Variants in SORCS2 observed in about 807,000 individuals in gnomAD.
SORCS2 encodes the protein sortilin related VPS10 domain containing receptor 2, also known as VPS10 domain-containing receptor SorCS2.
Under a neutral mutation model 141.6 loss-of-function variants are expected in SORCS2, and 100 were observed. The ratio of observed to expected loss-of-function variants is 0.71; its 90% CI spans 0.60 to 0.83. The LOEUF is 0.83. Among genes scored for constraint, SORCS2 ranks in the 40% least tolerant of loss-of-function variants. SORCS2 has a pLI of 0.00. For synonymous variants in SORCS2, 789 were observed against 676.9 expected (o/e 1.17, Z -2.57); for missense variants, 1,646 against 1,560.2 (o/e 1.05, Z -0.93).
chr4:7,660,737 C>T (rs372225167), intron 5 of SORCS2, among the ~76,000 whole-genome samples: 1 of 152,204 alleles, frequency 6.6e-6, no homozygotes, highest in South Asian at 2.1e-4. Flanking sequence ...AAGGCACCTA[C>T]CTCACAATGT....
chr4:7,488,150 A>G (rs1731106577), intron 2 of SORCS2, among the ~76,000 whole-genome samples: 1 of 152,136 alleles, frequency 6.6e-6, no homozygotes, highest in Admixed American at 6.5e-5. Flanking sequence ...TCAACTAGTG[A>G]CCAGTCTGCC....
At chr4:7,422,012 G>A (rs1160278483) in intron 2 of SORCS2, among the ~76,000 whole-genome samples, 1 of 152,158 alleles carries the variant, frequency 6.6e-6, no homozygotes, top group Non-Finnish European at 1.5e-5. Context: ...TGAAGTGGGA[G>A]GGGTTGAACC....
At chr4:7,613,974 C>T (rs1027724231) in intron 3 of SORCS2, among the ~76,000 whole-genome samples, 9 of 152,062 alleles carry the variant, frequency 5.9e-5, no homozygotes, top group African/African-American at 2.2e-4. Flanking sequence ...ACCAGCCATC[C>T]ATCAATCCAT....
chr4:7,269,620 A>C (rs1045294570), intron 1 of SORCS2, among the ~76,000 whole-genome samples: 1 of 152,196 alleles, frequency 6.6e-6, no homozygotes, highest in Non-Finnish European at 1.5e-5. Context: ...GATCAGAGCG[A>C]TGTATCCCCA....
Position 7,689,509 on chromosome 4 carries a change from C to A in SORCS2, c.1512C>A (p.His504Gln). Residue 504 changes from histidine to glutamine, a missense_variant, in exon 11 of 27, where the codon CAC becomes CAA. Physicochemically the swap from His to Gln is conservative, Grantham distance 24. Transcript: ENST00000507866. ...AGCCAGACTGCCACCTGCACCTGCA[C>A]CTGCGCTGGGCAGACAACCCCTACG... The part of the protein sequence containing the change: ...CKPPDCHLHL[H>Q]LRWADNPYVS... 6.2e-7 allele frequency: 1 copy of A among 1,604,284 alleles called. No homozygotes were observed.
intron 1 of SORCS2, chr4:7,382,065 G>T (rs891163281): frequency 1.8e-5 from 14 of 799,032 alleles, no homozygotes; most frequent in Non-Finnish European, 2.1e-5. Flanking sequence ...GAAAGGCCCA[G>T]GCATGAGGGG....
At chr4:7,596,184 T>G in intron 3 of SORCS2, among the ~76,000 whole-genome samples, 1 of 152,158 alleles carries the variant, frequency 6.6e-6, no homozygotes, top group South Asian at 2.1e-4. Context: ...TACGATAGAA[T>G]AGATTTGTGA....
At chr4:7,445,792 G>A (rs1343030023) in intron 2 of SORCS2, among the ~76,000 whole-genome samples, 1 of 152,136 alleles carries the variant, frequency 6.6e-6, no homozygotes, top group African/African-American at 2.4e-5. Context: ...TGGATACGTC[G>A]GGAAGTACAG....
rs59015576 is a variant in SORCS2, at chr4:7,507,177, A to ATTATTTATTTAT, written c.549-24350_549-24339dup. On this transcript the variant is annotated intron_variant, in intron 2 of 26. Coordinates refer to ENST00000507866, the MANE Select transcript of SORCS2 (RefSeq NM_020777.3). ...GAAAGTGGATAAATTCTTTTTTATTATTATTTATTTATTTTTGAGAAGGAG... is the reference window on the plus strand; with the variant it reads ...GAAAGTGGATAAATTCTTTTTTATTATTATTTATTTATTTATTTATTTATTTTTGAGAAGGAG... 2.7e-3 allele frequency among the ~76,000 whole-genome samples: 409 copies of ATTATTTATTTAT among 150,822 alleles called. 1 individual carries two copies. The highest frequency in any genetic ancestry group is 6.2e-3 in the East Asian group (32 of 5,122).
chr4:7,354,396 A>G (rs921459542), intron 1 of SORCS2, among the ~76,000 whole-genome samples: 1 of 142,510 alleles, frequency 7.0e-6, no homozygotes, highest in African/African-American at 2.6e-5. Context: ...TTTCTCCCCC[A>G]AGAAAGACCC....
intron 2 of SORCS2, among the ~76,000 whole-genome samples, chr4:7,502,964 T>A (rs1456407627): frequency 6.6e-6 from 1 of 152,232 alleles, no homozygotes; most frequent in Non-Finnish European, 1.5e-5. Context: ...TGTCTACTCC[T>A]TTATTTCTTG....
intron 1 of SORCS2, among the ~76,000 whole-genome samples, chr4:7,334,889 G>A (rs1450665450): frequency 1.3e-5 from 2 of 152,144 alleles, no homozygotes; most frequent in Non-Finnish European, 2.9e-5. Context: ...TGAGAACAGC[G>A]AGTGTCAGTA....
intron 4 of SORCS2, among the ~76,000 whole-genome samples, chr4:7,650,183 C>A (rs1433825660): frequency 6.6e-6 from 1 of 152,192 alleles, no homozygotes; most frequent in Non-Finnish European, 1.5e-5. Context: ...CAGGGGGTGA[C>A]CCTGGGTGAA....
chr4:7,498,402 A>T (rs185445947), intron 2 of SORCS2, among the ~76,000 whole-genome samples: 2 of 152,358 alleles, frequency 1.3e-5, no homozygotes, highest in African/African-American at 2.4e-5. Flanking sequence ...CATAGAGAAC[A>T]GTTTCCAGAA....
chr4:7,427,879 G>C (rs919606482), intron 2 of SORCS2, among the ~76,000 whole-genome samples: 1 of 142,402 alleles, frequency 7.0e-6, no homozygotes, highest in African/African-American at 2.5e-5. Context: ...CGACTGCAAC[G>C]CTGGGAATCA....
rs144842622 is a variant in SORCS2, at chr4:7,601,659, T to TTTTGTTTG, written c.649-36657_649-36650dup. 4.3e-3 allele frequency among the ~76,000 whole-genome samples: 551 copies of TTTTGTTTG among 128,492 alleles called. 3 individuals carry two copies. The highest frequency in any genetic ancestry group is 0.011 in the African/African-American group (388 of 36,068). The allele number at this position is 128,492 out of a possible 152,430, so 84.3% of individuals were successfully genotyped here. ...AAAAAAAGTTTAACATAGCTTTGTT[T>TTTTGTTTG]TTTGTTTGTTTGTTTGTTTTTTTAG... On this transcript the variant is annotated intron_variant, in intron 3 of 26. Transcript: ENST00000507866.
chr4:7,658,045 ATGAG>A (rs1410356745), intron 5 of SORCS2, among the ~76,000 whole-genome samples: 4 of 150,444 alleles, frequency 2.7e-5, no homozygotes, highest in Non-Finnish European at 5.9e-5. Context: ...GAGTGAGTGA[ATGAG>A]TGAGTCTGAT....
At chr4:7,704,422 GTGA>G in intron 14 of SORCS2, 138 bp downstream of exon 14, 1 of 759,662 alleles carries the variant, frequency 1.3e-6, no homozygotes, top group Non-Finnish European at 2.1e-6. Flanking sequence ...CCCCTTGCTG[GTGA>G]GGACAGGACC....
intron 1 of SORCS2, among the ~76,000 whole-genome samples, chr4:7,333,368 G>A (rs2108971374): frequency 1.3e-5 from 2 of 152,340 alleles, no homozygotes; most frequent in South Asian, 4.1e-4. Flanking sequence ...GCTGCTGAAG[G>A]TGTTAAACGT....
Sources: gnomAD v4.1 joint callset for allele counts (sites outside exome capture counted in the v4.1 genomes callset) on GRCh38, gnomAD v4.1.1 for gene constraint, MANE v1.5 for transcripts, NCBI Gene and HGNC (gene_info 2026-07-23, HGNC 2026-07-21) for gene names.